Variants in ARHGAP15 observed in about 807,000 individuals in gnomAD.
ARHGAP15 encodes the protein rho GTPase-activating protein 15.
Under a neutral mutation model 63.7 loss-of-function variants are expected in ARHGAP15, and 51 were observed. That is an observed-to-expected ratio of 0.80 (90% CI 0.64 to 1.01). The LOEUF is 1.01. Among genes scored for constraint, ARHGAP15 ranks in the 50% least tolerant of loss-of-function variants. The pLI is 0.00. For synonymous variants in ARHGAP15, 191 were observed against 193.8 expected, an observed-to-expected ratio of 0.99 and a Z score of 0.12; for missense variants, 560 against 564.6, an observed-to-expected ratio of 0.99 and a Z score of 0.08.
At chr2:143,181,096 C>G (rs1691218855) in intron 2 of ARHGAP15, among the ~76,000 whole-genome samples, 1 of 152,162 alleles carries the variant, frequency 6.6e-6, no homozygotes, top group Admixed American at 6.5e-5. Context: ...CATCAGAGCT[C>G]TTGAGTGACT....
chr2:143,288,027 TG>T (rs1243467940), intron 6 of ARHGAP15, among the ~76,000 whole-genome samples: 1 of 152,202 alleles, frequency 6.6e-6, no homozygotes, highest in Non-Finnish European at 1.5e-5. Context: ...TATTCCCTGA[TG>T]GTTCAGAACT....
chr2:143,390,736 C>T (rs1330562024), intron 6 of ARHGAP15, among the ~76,000 whole-genome samples: 9 of 2,556 alleles, frequency 3.5e-3, no homozygotes, highest in Non-Finnish European at 0.02. Flanking sequence ...CACATGCACA[C>T]ACACACACAC....
intron 12 of ARHGAP15, among the ~76,000 whole-genome samples, chr2:143,679,640 GGGGT>G (rs1268513686): frequency 5.6e-5 from 7 of 123,932 alleles, no homozygotes; most frequent in Non-Finnish European, 8.8e-5. Flanking sequence ...CTTGAATGAG[GGGGT>G]GCGTGTGTGC....
intron 6 of ARHGAP15, among the ~76,000 whole-genome samples, chr2:143,372,347 T>G (rs62170457): frequency 1.1e-5 from 1 of 88,106 alleles, no homozygotes; most frequent in Non-Finnish European, 2.1e-5. Context: ...GAGTAGTCGA[T>G]TTAAAAAAAA....
intron 10 of ARHGAP15, among the ~76,000 whole-genome samples, chr2:143,534,370 G>C (rs547265744): frequency 6.6e-6 from 1 of 152,098 alleles, no homozygotes; most frequent in Non-Finnish European, 1.5e-5. Flanking sequence ...TAGGCAGTTC[G>C]TTATAGCAGT....
intron 12 of ARHGAP15, among the ~76,000 whole-genome samples, chr2:143,638,222 T>C (rs1410808960): frequency 2.8e-5 from 4 of 143,704 alleles, no homozygotes; most frequent in Admixed American, 7.2e-5. Context: ...TGCGGCACTA[T>C]TCACGATAGC....
chr2:143,674,233 G>T (rs1682713362), intron 12 of ARHGAP15, among the ~76,000 whole-genome samples: 1 of 151,896 alleles, frequency 6.6e-6, no homozygotes. Flanking sequence ...GCCAAAAACT[G>T]AAAAATGACT....
chr2:143,276,360 CA>C (rs1215389367), intron 6 of ARHGAP15, among the ~76,000 whole-genome samples: 1 of 152,166 alleles, frequency 6.6e-6, no homozygotes, highest in Non-Finnish European at 1.5e-5. Flanking sequence ...AAAGAATTTA[CA>C]GAGGGATTAG....
At chr2:143,765,843 C>A (rs1288366542) in intron 13 of ARHGAP15, among the ~76,000 whole-genome samples, 2 of 152,070 alleles carry the variant, frequency 1.3e-5, no homozygotes, top group East Asian at 3.9e-4. Context: ...CTGGCTGTCA[C>A]ACCACTCTAT....
chr2:143,470,818 CCAAA>C (rs1387371889), intron 8 of ARHGAP15, among the ~76,000 whole-genome samples: 5 of 149,102 alleles, frequency 3.4e-5, no homozygotes, highest in Non-Finnish European at 5.9e-5. Context: ...ATATCCTGCT[CCAAA>C]CAGTTTCGCA....
At chr2:143,525,629 C>CTGTTT (rs1694239991) in intron 10 of ARHGAP15, among the ~76,000 whole-genome samples, 1 of 151,960 alleles carries the variant, frequency 6.6e-6, no homozygotes, top group Non-Finnish European at 1.5e-5. Context: ...GTGTTTTGTT[C>CTGTTT]TGTTTTGTTT....
chr2:143,636,285 C>G (rs1680310445), intron 12 of ARHGAP15, among the ~76,000 whole-genome samples: 1 of 152,152 alleles, frequency 6.6e-6, no homozygotes. Context: ...TAACATTATT[C>G]TTTGACACCT....
intron 6 of ARHGAP15, among the ~76,000 whole-genome samples, chr2:143,307,514 C>T (rs1390993190): frequency 6.6e-6 from 1 of 152,064 alleles, no homozygotes; most frequent in East Asian, 1.9e-4. Context: ...CAACATGCAA[C>T]TGAGGTATCA....
At chr2:143,445,489 T>C (rs902985252) in intron 8 of ARHGAP15, among the ~76,000 whole-genome samples, 6 of 152,082 alleles carry the variant, frequency 3.9e-5, no homozygotes, top group South Asian at 4.1e-4. Context: ...AATGACTGCA[T>C]TGGAATTATT....
chr2:143,199,480 T>C (rs1692019431), intron 2 of ARHGAP15, among the ~76,000 whole-genome samples: 1 of 152,098 alleles, frequency 6.6e-6, no homozygotes, highest in Non-Finnish European at 1.5e-5. Context: ...GGCCTATGTA[T>C]GGTTTCCCCA....
chr2:143,407,503 T>A (rs1688249468), intron 6 of ARHGAP15, among the ~76,000 whole-genome samples: 1 of 151,836 alleles, frequency 6.6e-6, no homozygotes, highest in South Asian at 2.1e-4. Context: ...GCATGCTTTT[T>A]CACTCCTCAG....
intron 12 of ARHGAP15, among the ~76,000 whole-genome samples, chr2:143,698,212 A>G (rs1213617877): frequency 6.6e-6 from 1 of 152,160 alleles, no homozygotes; most frequent in East Asian, 1.9e-4. Flanking sequence ...AGAACAATAA[A>G]GGCATGGATG....
intron 2 of ARHGAP15, among the ~76,000 whole-genome samples, chr2:143,186,711 T>A (rs1691462836): frequency 6.6e-6 from 1 of 152,198 alleles, no homozygotes; most frequent in Admixed American, 6.5e-5. Flanking sequence ...GAATCATTAC[T>A]CTATGTGACT....
intron 9 of ARHGAP15, among the ~76,000 whole-genome samples, chr2:143,507,348 G>A (rs1024787634): frequency 1.3e-5 from 2 of 152,108 alleles, no homozygotes; most frequent in Non-Finnish European, 2.9e-5. Flanking sequence ...AAAGAAATAA[G>A]GAAATGAAGC....
Sources: allele counts gnomAD v4.1 joint callset (sites outside exome capture counted in the v4.1 genomes callset), GRCh38; gene constraint gnomAD v4.1.1; transcripts MANE v1.5; gene names NCBI Gene and HGNC (gene_info 2026-07-23, HGNC 2026-07-21).